SAMD12: variants seen among roughly 807,000 people sequenced by gnomAD.
SAMD12 encodes the protein sterile alpha motif domain-containing protein 12.
In SAMD12, 9 loss-of-function variants were observed where a neutral mutation model predicts 15.0. The ratio of observed to expected loss-of-function variants is 0.60; its 90% CI spans 0.36 to 1.05. The LOEUF (loss-of-function observed/expected upper bound fraction) is 1.05, where lower values mean the gene tolerates loss of function less well. Ranked by LOEUF, SAMD12 falls within the 50% of genes least tolerant of loss-of-function variation. SAMD12 has a pLI of 0.01. For synonymous variants in SAMD12, 86 were observed against 90.1 expected, an observed-to-expected ratio of 0.96 and a Z score of 0.25; for missense variants, 230 against 234.2, an observed-to-expected ratio of 0.98 and a Z score of 0.12.
chr8:118,547,683 AGATT>A (rs752128989), intron 2 of SAMD12, among the ~76,000 whole-genome samples: 12 of 152,238 alleles, frequency 7.9e-5, no homozygotes, highest in Non-Finnish European at 1.2e-4. Flanking sequence ...TCACACTCAC[AGATT>A]ATTATAGTAT....
At chr8:118,179,227 C>G in the SAMD12 span, among the ~76,000 whole-genome samples, 2,098 of 152,036 alleles carry the variant, frequency 0.014, 90 homozygotes, top group East Asian at 0.11. Flanking sequence ...CACCTGAGGT[C>G]GGGAGTTTGA....
chr8:118,589,159 A>G (rs1179827862), intron 1 of SAMD12, among the ~76,000 whole-genome samples: 2 of 152,192 alleles, frequency 1.3e-5, no homozygotes, highest in African/African-American at 2.4e-5. Flanking sequence ...AGACAGGGGA[A>G]GAAACTAAAT....
At chr8:118,328,320 G>T (rs900206884) in intron 4 of SAMD12, among the ~76,000 whole-genome samples, 1 of 152,118 alleles carries the variant, frequency 6.6e-6, no homozygotes, top group Non-Finnish European at 1.5e-5. Context: ...TACAGGCTGT[G>T]CCCTCTATTA....
the SAMD12 span, among the ~76,000 whole-genome samples, chr8:118,170,345 T>C: frequency 6.6e-6 from 1 of 152,174 alleles, no homozygotes; most frequent in Non-Finnish European, 1.5e-5. Context: ...TCTTATAAAA[T>C]GTGGAGGGGG....
chr8:118,572,110 G>A (rs1827027463), intron 2 of SAMD12, among the ~76,000 whole-genome samples: 1 of 152,248 alleles, frequency 6.6e-6, no homozygotes, highest in South Asian at 2.1e-4. Flanking sequence ...CTGGATGTGA[G>A]ATATGGAGTC....
At chr8:118,185,024 G>A (rs1303308159), downstream of SAMD12, among the ~76,000 whole-genome samples, 1 of 151,492 alleles carries the variant, frequency 6.6e-6, no homozygotes, top group East Asian at 1.9e-4. Flanking sequence ...TTGCGTTGAT[G>A]AAGTTACCAA....
chr8:118,228,694 G>A (rs1812238206), intron 4 of SAMD12, among the ~76,000 whole-genome samples: 1 of 152,196 alleles, frequency 6.6e-6, no homozygotes, highest in Non-Finnish European at 1.5e-5. Context: ...TGGTGGGAAT[G>A]TAAACTAGTA....
At chr8:118,323,669 T>TGAGGTGGGAGGATCACTTG (rs1189460587) in intron 4 of SAMD12, among the ~76,000 whole-genome samples, 1 of 152,138 alleles carries the variant, frequency 6.6e-6, no homozygotes, top group African/African-American at 2.4e-5. Context: ...CTCAAGAGGC[T>TGAGGTGGGAGGATCACTTG]GAGGTGGGAG....
chr8:118,307,567 A>G (rs1815411105), intron 4 of SAMD12, among the ~76,000 whole-genome samples: 1 of 152,256 alleles, frequency 6.6e-6, no homozygotes, highest in Non-Finnish European at 1.5e-5. Context: ...TCTGCTAGGC[A>G]TAATTCAGAC....
At chr8:118,409,035 A>G (rs925930556) in intron 3 of SAMD12, among the ~76,000 whole-genome samples, 3 of 152,046 alleles carry the variant, frequency 2.0e-5, no homozygotes, top group African/African-American at 7.3e-5. Context: ...AGTTGCTGGG[A>G]CTACAGGTGC....
chr8:118,383,059 G>C (rs1819756597), intron 3 of SAMD12, among the ~76,000 whole-genome samples: 1 of 152,110 alleles, frequency 6.6e-6, no homozygotes, highest in East Asian at 1.9e-4. Flanking sequence ...ATCCAAATAA[G>C]TGTGGTACTG....
chr8:118,284,553 T>C (rs1416418504), intron 4 of SAMD12: 25 of 337,760 alleles, frequency 7.4e-5, no homozygotes. Flanking sequence ...AATGGTGATG[T>C]GAAATTCATT....
chr8:118,217,518 C>T (rs923095303), intron 4 of SAMD12, among the ~76,000 whole-genome samples: 30 of 151,864 alleles, frequency 2.0e-4, no homozygotes, highest in African/African-American at 7.3e-4. Context: ...AATATCTTTA[C>T]AGAAAAATAA....
At chr8:118,407,399 A>T (rs540742899) in intron 3 of SAMD12, among the ~76,000 whole-genome samples, 2 of 152,254 alleles carry the variant, frequency 1.3e-5, no homozygotes, top group African/African-American at 2.4e-5. Flanking sequence ...TTTGATTATT[A>T]TTTCTCTAAT....
At chr8:118,591,212 C>T (rs1312750216) in intron 1 of SAMD12, among the ~76,000 whole-genome samples, 3 of 122,616 alleles carry the variant, frequency 2.4e-5, no homozygotes, top group African/African-American at 6.4e-5. Flanking sequence ...TAAATACAAG[C>T]ACTAGATATA....
chr8:118,356,777 A>G (rs1013442988), intron 4 of SAMD12, among the ~76,000 whole-genome samples: 5 of 152,146 alleles, frequency 3.3e-5, no homozygotes, highest in African/African-American at 1.2e-4. Flanking sequence ...CATTTCCAGG[A>G]CAACTCTCTG....
chr8:118,439,033 T>C (rs932137944), intron 3 of SAMD12, among the ~76,000 whole-genome samples: 1 of 152,226 alleles, frequency 6.6e-6, no homozygotes, highest in East Asian at 1.9e-4. Context: ...AAAGCCCCCT[T>C]ACTCTGATGG....
At chr8:118,440,201 G>A (rs1030671358) in intron 2 of SAMD12, among the ~76,000 whole-genome samples, 1 of 152,070 alleles carries the variant, frequency 6.6e-6, no homozygotes. Flanking sequence ...AAATCCCAAG[G>A]AATCCCTAGG....
At chr8:118,429,377 A>C (rs1391163356) in intron 3 of SAMD12, among the ~76,000 whole-genome samples, 2 of 152,202 alleles carry the variant, frequency 1.3e-5, no homozygotes, top group African/African-American at 2.4e-5. Context: ...CTCAACTGGT[A>C]TGTATTCTGC....
Sources: gnomAD v4.1 joint callset for allele counts (sites outside exome capture counted in the v4.1 genomes callset) on GRCh38, gnomAD v4.1.1 for gene constraint, MANE v1.5 for transcripts, NCBI Gene and HGNC (gene_info 2026-07-23, HGNC 2026-07-21) for gene names.